CSMD1: variants seen among roughly 807,000 people sequenced by gnomAD.
CSMD1 encodes the protein CUB and Sushi multiple domains 1.
A neutral mutation model predicts 417.5 loss-of-function variants in CSMD1; 213 were observed. The observed-to-expected ratio is 0.51, with a 90% CI of 0.46 to 0.57. The LOEUF is 0.57. Among genes scored for constraint, CSMD1 ranks in the 20% least tolerant of loss-of-function variants. CSMD1 has a pLI of 0.00. For synonymous variants in CSMD1, 2,862 were observed against 1,736.8 expected, an observed-to-expected ratio of 1.65 and a Z score of -16.11; for missense variants, 6,923 against 4,529.7, an observed-to-expected ratio of 1.53 and a Z score of -15.17.
At chr8:4,335,702 G>T (rs894701505) in intron 3 of CSMD1, among the ~76,000 whole-genome samples, 1 of 152,112 alleles carries the variant, frequency 6.6e-6, no homozygotes, top group Non-Finnish European at 1.5e-5. Flanking sequence ...AGAATATAGT[G>T]TTTCTCAAAA....
intron 7 of CSMD1, among the ~76,000 whole-genome samples, chr8:3,661,309 C>A (rs1244811263): frequency 6.6e-6 from 1 of 152,128 alleles, no homozygotes; most frequent in Non-Finnish European, 1.5e-5. Context: ...AAACTGTGCT[C>A]AAACAAGGCA....
chr8:4,855,267 T>C (rs1801729266), intron 1 of CSMD1, among the ~76,000 whole-genome samples: 1 of 151,334 alleles, frequency 6.6e-6, no homozygotes, highest in Non-Finnish European at 1.5e-5. Context: ...CATCTGTACA[T>C]AACCATCATC....
intron 3 of CSMD1, among the ~76,000 whole-genome samples, chr8:4,076,897 T>G (rs901036738): frequency 3.3e-5 from 5 of 152,178 alleles, no homozygotes; most frequent in African/African-American, 1.2e-4. Context: ...TCTGAAGAAC[T>G]ACTGAAATTT....
chr8:3,606,580 C>A (rs185458182), intron 8 of CSMD1, among the ~76,000 whole-genome samples: 16 of 152,106 alleles, frequency 1.1e-4, no homozygotes, highest in African/African-American at 3.9e-4. Context: ...AATGTGAGGG[C>A]CTAGGACATG....
At chr8:3,936,066 G>C (rs915792925) in intron 5 of CSMD1, among the ~76,000 whole-genome samples, 2 of 151,910 alleles carry the variant, frequency 1.3e-5, no homozygotes, top group Non-Finnish European at 2.9e-5. Context: ...CTGGGTAAAA[G>C]ACCAAAGCAG....
intron 2 of CSMD1, among the ~76,000 whole-genome samples, chr8:4,464,037 C>T (rs937535395): frequency 3.3e-5 from 5 of 151,162 alleles, no homozygotes; most frequent in African/African-American, 1.2e-4. Flanking sequence ...ATTCAGTTTA[C>T]GAATTAAAAA....
intron 7 of CSMD1, among the ~76,000 whole-genome samples, chr8:3,666,631 G>C (rs888172627): frequency 6.6e-6 from 1 of 152,278 alleles, no homozygotes; most frequent in African/African-American, 2.4e-5. Context: ...CCCAGAGGGA[G>C]ATAATTGAAT....
intron 1 of CSMD1, among the ~76,000 whole-genome samples, chr8:4,783,471 T>C (rs906590137): frequency 2.6e-5 from 4 of 152,196 alleles, no homozygotes; most frequent in African/African-American, 9.6e-5. Context: ...GAACAATGTA[T>C]CCAAGATTAA....
At chr8:4,336,763 G>T (rs928894167) in intron 3 of CSMD1, among the ~76,000 whole-genome samples, 1 of 152,032 alleles carries the variant, frequency 6.6e-6, no homozygotes, top group Non-Finnish European at 1.5e-5. Flanking sequence ...ATCCACAATG[G>T]GCAAAGCTGG....
intron 30 of CSMD1, among the ~76,000 whole-genome samples, chr8:3,212,795 T>C (rs1797689423): frequency 6.6e-6 from 1 of 151,938 alleles, no homozygotes; most frequent in Non-Finnish European, 1.5e-5. Context: ...TTTTGTTTTA[T>C]TTTGTTTTGC....
chr8:4,649,685 T>C (rs1460489422), intron 1 of CSMD1, among the ~76,000 whole-genome samples: 4 of 152,224 alleles, frequency 2.6e-5, no homozygotes, highest in South Asian at 2.1e-4. Context: ...ACTACATTAA[T>C]TGGAAAAAAA....
Position 4,311,164 on chromosome 8 carries a change from A to C in CSMD1, c.415+108789T>G, listed in dbSNP as rs1018863527. ...CCGTGACTGGCTGTAAGCCCAGTGG[A>C]ATATAAATCATTCCACCATAAAGAC... On this transcript the variant is annotated intron_variant, in intron 3 of 69. Coordinates refer to ENST00000635120, the MANE Select transcript of CSMD1 (RefSeq NM_033225.6). Among the ~76,000 whole-genome samples, 10 of 152,186 alleles carry C rather than the reference A, an allele frequency of 6.6e-5. 1 individual carries two copies. The highest frequency in any genetic ancestry group is 2.6e-4 in the Admixed American group (4 of 15,278).
At chr8:3,529,509 T>C (rs781638366) in intron 10 of CSMD1, among the ~76,000 whole-genome samples, 25 of 152,174 alleles carry the variant, frequency 1.6e-4, no homozygotes, top group Non-Finnish European at 3.4e-4. Context: ...GCTCTAATCA[T>C]ATAGAGGAGA....
intron 1 of CSMD1, among the ~76,000 whole-genome samples, chr8:4,772,354 C>A (rs755416290): frequency 2.4e-4 from 37 of 152,150 alleles, no homozygotes; most frequent in Non-Finnish European, 4.9e-4. Flanking sequence ...TGACTCCATT[C>A]AAAGAAAGTT....
chr8:4,396,423 C>T (rs1244526678), intron 3 of CSMD1, among the ~76,000 whole-genome samples: 1 of 152,162 alleles, frequency 6.6e-6, no homozygotes, highest in African/African-American at 2.4e-5. Context: ...ACCAAGACTG[C>T]ACCACTGAAC....
At chr8:4,029,347 G>A (rs892308101) in intron 4 of CSMD1, among the ~76,000 whole-genome samples, 1 of 152,164 alleles carries the variant, frequency 6.6e-6, no homozygotes, top group East Asian at 1.9e-4. Context: ...TTACAAAAGA[G>A]AGGTTTGATG....
intron 1 of CSMD1, among the ~76,000 whole-genome samples, chr8:4,678,804 G>C (rs62484571): frequency 6.6e-6 from 1 of 152,136 alleles, no homozygotes; most frequent in Admixed American, 6.5e-5. Context: ...CCTTTAACCT[G>C]TATGTAGCAA....
chr8:4,378,761 T>C (rs1802912910), intron 3 of CSMD1, among the ~76,000 whole-genome samples: 1 of 152,204 alleles, frequency 6.6e-6, no homozygotes, highest in Non-Finnish European at 1.5e-5. Flanking sequence ...TTATGAGAGC[T>C]CTGCTCTCAT....
chr8:4,615,645 T>A (rs1430756663), intron 2 of CSMD1, among the ~76,000 whole-genome samples: 1 of 152,170 alleles, frequency 6.6e-6, no homozygotes, highest in Non-Finnish European at 1.5e-5. Flanking sequence ...TAAATATATT[T>A]TTTTGTGAGT....
Sources: allele counts gnomAD v4.1 joint callset (sites outside exome capture counted in the v4.1 genomes callset), GRCh38; gene constraint gnomAD v4.1.1; transcripts MANE v1.5; gene names NCBI Gene and HGNC (gene_info 2026-07-23, HGNC 2026-07-21).